SHANK2: variants seen among roughly 807,000 people sequenced by gnomAD.
SHANK2 encodes SH3 and multiple ankyrin repeat domains 2, also known as SH3 and multiple ankyrin repeat domains protein 2.
Under a neutral mutation model 133.7 loss-of-function variants are expected in SHANK2, and 43 were observed. That is an observed-to-expected ratio of 0.32 (90% confidence interval 0.25 to 0.41). The LOEUF is 0.41. Among genes scored for constraint, SHANK2 ranks in the 10% least tolerant of loss-of-function variants. The probability of loss-of-function intolerance (pLI) is 1.00; values close to 1 mark genes in which losing one functional copy is unlikely to be tolerated. For synonymous variants in SHANK2, 1,017 were observed against 952.8 expected (o/e 1.07, Z -1.24); for missense variants, 1,994 against 2,235.8 (o/e 0.89, Z 2.18).
chr11:70,951,458 A>C (rs1355069828), intron 10 of SHANK2, among the ~76,000 whole-genome samples: 2 of 132,238 alleles, frequency 1.5e-5, no homozygotes, highest in African/African-American at 7.0e-5. Flanking sequence ...TGATGTCATA[A>C]ATTCATTTCC....
chr11:70,905,118 C>T (rs1204863958), intron 10 of SHANK2, among the ~76,000 whole-genome samples: 1 of 152,128 alleles, frequency 6.6e-6, no homozygotes, highest in African/African-American at 2.4e-5. Context: ...CCCACAGGGA[C>T]TCAGTACCTG....
At chr11:70,913,454 T>C (rs1555079393) in intron 10 of SHANK2, among the ~76,000 whole-genome samples, 1 of 151,878 alleles carries the variant, frequency 6.6e-6, no homozygotes, top group African/African-American at 2.4e-5. Context: ...ATTAGGAAAA[T>C]TCTAAAGATC....
At position 71,142,521 on chromosome 11, in the gene SHANK2, C is replaced by A. The variant is rs115380497; in HGVS notation, c.207+4599G>T. On this transcript the variant is annotated intron_variant, in intron 3 of 25. Coordinates refer to ENST00000601538, the MANE Select transcript of SHANK2 (RefSeq NM_012309.5). ...CTTTCAATAAAAACAAACAAACAAA[C>A]AAAAAAAAATGGCAAACAAGCAGAA... 9.9e-3 allele frequency among the ~76,000 whole-genome samples: 1,473 copies of A among 148,874 alleles called. 24 individuals are homozygous for A. Among genetic ancestry groups the A allele is most frequent in the African/African-American group, 0.034 (1,364 of 40,520 alleles).
intron 17 of SHANK2, among the ~76,000 whole-genome samples, chr11:70,510,695 A>G (rs549846211): frequency 6.6e-6 from 1 of 152,220 alleles, no homozygotes; most frequent in Admixed American, 6.5e-5. Context: ...ACTGTCTTCT[A>G]CCTTTAGAGG....
At chr11:70,874,279 AATCTAATCT>A (rs1290729674) in intron 11 of SHANK2, among the ~76,000 whole-genome samples, 37 of 152,076 alleles carry the variant, frequency 2.4e-4, no homozygotes, top group South Asian at 8.3e-4. Context: ...AATCTAATCT[AATCTAATCT>A]ATCTAATCTA....
chr11:70,635,480 G>A (rs1555003643), intron 17 of SHANK2: 1 of 151,760 alleles, frequency 6.6e-6, no homozygotes, highest in African/African-American at 2.4e-5. Flanking sequence ...AAATACTGCA[G>A]GATTCCACTG....
At chr11:70,502,690 G>A in intron 18 of SHANK2, 106 bp downstream of exon 18, 1 of 1,291,218 alleles carries the variant, frequency 7.7e-7, no homozygotes, top group Non-Finnish European at 1.1e-6. Context: ...CAGAAGTGTG[G>A]GATCAGCTGG....
intron 10 of SHANK2, among the ~76,000 whole-genome samples, chr11:70,941,437 C>T (rs1228043497): frequency 6.6e-6 from 1 of 152,182 alleles, no homozygotes; most frequent in African/African-American, 2.4e-5. Flanking sequence ...ATACTCCTGA[C>T]CTGAAACATA....
intron 11 of SHANK2, among the ~76,000 whole-genome samples, chr11:70,848,367 G>C (rs374252034): frequency 2.0e-5 from 3 of 152,328 alleles, no homozygotes; most frequent in Middle Eastern, 3.4e-3. Flanking sequence ...AGGGCCTGGC[G>C]GGGGTGATCA....
intron 2 of SHANK2, among the ~76,000 whole-genome samples, chr11:71,157,434 C>G (rs1952927078): frequency 6.6e-6 from 1 of 152,168 alleles, no homozygotes; most frequent in Admixed American, 6.5e-5. Context: ...AAGTCTATTT[C>G]TCTTCCATGC....
intron 10 of SHANK2, among the ~76,000 whole-genome samples, chr11:70,920,759 T>C (rs1950338510): frequency 6.6e-6 from 1 of 152,200 alleles, no homozygotes; most frequent in Non-Finnish European, 1.5e-5. Context: ...GTGAAGAATT[T>C]TTTGTGCATG....
chr11:70,657,629 C>A (rs1311316143), intron 17 of SHANK2, among the ~76,000 whole-genome samples: 1 of 152,166 alleles, frequency 6.6e-6, no homozygotes, highest in Non-Finnish European at 1.5e-5. Flanking sequence ...CTGTGGAGGG[C>A]CCAGTGCTCC....
At position 70,738,956 on chromosome 11, in the gene SHANK2, C is replaced by T. The variant is rs117883993; in HGVS notation, c.1778-40193G>A. 2.8e-3 allele frequency among the ~76,000 whole-genome samples: 425 copies of T among 152,312 alleles called. 13 individuals carry two copies. In the East Asian group the frequency reaches 0.072, roughly 26 times the overall value. ...AGCGGGGTCACTGGACTCAACTTTC[C>T]CATGTAGGGAGGGGGTCTGTGGCCC... On this transcript the variant is annotated intron_variant, in intron 14 of 25. Transcript: ENST00000601538.
chr11:70,514,403 C>T (rs1327063685), intron 17 of SHANK2, among the ~76,000 whole-genome samples: 1 of 152,216 alleles, frequency 6.6e-6, no homozygotes, highest in East Asian at 1.9e-4. Flanking sequence ...TGAAGCGGGA[C>T]TGGATCTATG....
At chr11:70,572,138 G>A (rs2060053051) in intron 17 of SHANK2, among the ~76,000 whole-genome samples, 1 of 152,216 alleles carries the variant, frequency 6.6e-6, no homozygotes, top group South Asian at 2.1e-4. Flanking sequence ...TCAGGCTTCA[G>A]CCTCCAGAAC....
rs1555152870 is a variant in SHANK2 at position 70,485,528 on chromosome 11, C to T, written c.4765G>A (p.Ala1589Thr). ...PPAPPPPPGS[A>T]QPGMAKVLQP... ...AGAACCTTGGCCATCCCAGGCTGGG[C>T]ACTGCCCGGCGGGGGCGGGGGAGCG... The change falls in exon 25 of 26, where the codon GCC becomes ACC. Residue 1589 changes from alanine (A) to threonine (T), a missense_variant. Ala to Thr is a moderately conservative substitution (Grantham distance 58). Around this residue, in one of 5 missense-constraint regions of SHANK2, gnomAD observed 797 missense variants for 907.4 expected, o/e 0.88. Coordinates refer to ENST00000601538, the MANE Select transcript of SHANK2 (RefSeq NM_012309.5). This position sits in a 1 kb window ranked among gnomAD's most constrained non-coding sequence, Gnocchi z 5.8. The T allele has an allele frequency of 1.2e-6, 2 of 1,613,188 alleles. No individual in the cohort carries two copies. Among genetic ancestry groups the T allele is most frequent in the South Asian group, 2.2e-5 (2 of 91,080 alleles).
chr11:71,169,557 C>T (rs1555111770), intron 2 of SHANK2, among the ~76,000 whole-genome samples: 2 of 152,056 alleles, frequency 1.3e-5, no homozygotes, highest in Non-Finnish European at 2.9e-5. Context: ...TCAAGATCAG[C>T]CTGGCCAACA....
At chr11:70,494,829 C>A (rs782707839) in intron 21 of SHANK2, among the ~76,000 whole-genome samples, 7 of 152,196 alleles carry the variant, frequency 4.6e-5, no homozygotes, top group South Asian at 4.1e-4. Context: ...ACAGCACTCT[C>A]TCCCTTCATG....
At chr11:70,708,680 C>T (rs1031529924) in intron 14 of SHANK2, among the ~76,000 whole-genome samples, 2 of 152,196 alleles carry the variant, frequency 1.3e-5, no homozygotes, top group East Asian at 1.9e-4. Context: ...AGCCTTGGAT[C>T]GTCTGCCTTG....
Sources: allele counts gnomAD v4.1 joint callset (sites outside exome capture counted in the v4.1 genomes callset), GRCh38; gene constraint gnomAD v4.1.1; regional missense constraint gnomAD v4.1.1; non-coding constraint Gnocchi (gnomAD v3.1); transcripts MANE v1.5; gene names NCBI Gene and HGNC (gene_info 2026-07-23, HGNC 2026-07-21).